The following MEGF11 variants were observed in gnomAD, a reference collection of about 807,000 sequenced individuals.
MEGF11 encodes the protein multiple EGF like domains 11, also known as multiple epidermal growth factor-like domains protein 11.
In MEGF11, 126 loss-of-function variants were observed where a neutral mutation model predicts 146.6. The observed-to-expected ratio is 0.86, with a 90% CI of 0.74 to 1.00. The LOEUF (loss-of-function observed/expected upper bound fraction) is 1.00, where lower values mean the gene tolerates loss of function less well. MEGF11 is among the 50% of genes least tolerant of loss of function. MEGF11 has a pLI of 0.00. For synonymous variants in MEGF11, 532 were observed against 583.4 expected (o/e 0.91, Z 1.27); for missense variants, 1,509 against 1,521.2 (o/e 0.99, Z 0.13).
chr15:65,950,265 G>C (rs1302323835), intron 10 of MEGF11, among the ~76,000 whole-genome samples: 1 of 152,124 alleles, frequency 6.6e-6, no homozygotes, highest in Non-Finnish European at 1.5e-5. Context: ...ATCCTACAAG[G>C]CTATGTTATT....
chr15:66,184,416 C>T (rs1465496956), intron 1 of MEGF11, among the ~76,000 whole-genome samples: 2 of 151,958 alleles, frequency 1.3e-5, no homozygotes, highest in East Asian at 3.9e-4. Flanking sequence ...CTGGGCCGCC[C>T]TAAGAATCCG....
At chr15:65,944,011 T>C (rs1332869074) in intron 10 of MEGF11, among the ~76,000 whole-genome samples, 1 of 152,152 alleles carries the variant, frequency 6.6e-6, no homozygotes, top group African/African-American at 2.4e-5. Flanking sequence ...CAGAGGCTAA[T>C]AAAGAAAACT....
At chr15:65,935,801 C>G (rs149349896) in intron 10 of MEGF11, among the ~76,000 whole-genome samples, 1 of 152,294 alleles carries the variant, frequency 6.6e-6, no homozygotes, top group East Asian at 1.9e-4. Context: ...GGTTCTAACA[C>G]CTCAACAAGC....
Position 66,133,424 on chromosome 15 carries a change from T to C in MEGF11, c.-8-5013A>G, listed in dbSNP as rs141172848. On this transcript the variant is annotated intron_variant, in intron 1 of 25. Transcript: ENST00000395614. ...CAAACGCCTCACATTTCTCCCGGCATGTGGGTGGAGAAAGAGCTTTCTATC... is the reference window on the plus strand; with the variant it reads ...CAAACGCCTCACATTTCTCCCGGCACGTGGGTGGAGAAAGAGCTTTCTATC... 5.8e-4 allele frequency among the ~76,000 whole-genome samples: 89 copies of C among 152,334 alleles called. 1 individual carries two copies. The highest frequency in any genetic ancestry group is 2.1e-3 in the African/African-American group (86 of 41,584).
intron 5 of MEGF11, among the ~76,000 whole-genome samples, chr15:66,048,158 C>A (rs537840814): frequency 1.2e-4 from 18 of 152,298 alleles, no homozygotes; most frequent in South Asian, 8.3e-4. Context: ...GTTGGCCAGG[C>A]TGCTCTTGAA....
chr15:66,130,070 G>A (rs572317682), intron 1 of MEGF11, among the ~76,000 whole-genome samples: 4 of 152,194 alleles, frequency 2.6e-5, no homozygotes, highest in African/African-American at 9.6e-5. Context: ...GAGACCCAAT[G>A]AGCACCTCAG....
chr15:65,955,621 G>A (rs1435802074), intron 10 of MEGF11, among the ~76,000 whole-genome samples: 2 of 146,640 alleles, frequency 1.4e-5, no homozygotes, highest in East Asian at 2.0e-4. Flanking sequence ...GCACATGCCT[G>A]TAATCCCAGC....
intron 5 of MEGF11, among the ~76,000 whole-genome samples, chr15:66,070,934 G>T (rs1198867753): frequency 1.3e-5 from 2 of 152,036 alleles, no homozygotes; most frequent in African/African-American, 4.8e-5. Flanking sequence ...GAAAAACATG[G>T]AATCGAGGAG....
At chr15:65,936,938 G>T (rs2079809532) in intron 10 of MEGF11, among the ~76,000 whole-genome samples, 1 of 152,280 alleles carries the variant, frequency 6.6e-6, no homozygotes, top group East Asian at 1.9e-4. Flanking sequence ...GGAGATCCTG[G>T]TCTATGCTTC....
In MEGF11 at chr15:65,957,836, G is replaced by A. The variant is rs1596905732; in HGVS notation, c.1113-115C>T. 10 of 926,082 alleles carry A rather than the reference G, an allele frequency of 1.1e-5. No homozygotes were observed. In the East Asian group the frequency reaches 2.5e-4, roughly 24 times the overall value. 57.4% of individuals were successfully genotyped at this position (926,082 alleles called of 1,614,324 possible). ...AGGGTAGCAGGATCAAAGGACCTCT[G>A]GGATTAAATTGCTCAATGCCTTTTC... On this transcript the variant is annotated intron_variant, in intron 9 of 25. Coordinates refer to ENST00000395614, the MANE Select transcript of MEGF11 (RefSeq NM_001385028.1).
chr15:65,929,821 C>A lies in MEGF11; in HGVS notation c.1471G>T (p.Glu491Ter). The change falls in exon 12 of 26, where the codon GAG (glutamate) becomes TAG (stop). Residue 491 changes from glutamate to a stop codon, truncating the protein, a stop_gained. Transcript: ENST00000395614. LOFTEE classifies it high-confidence loss of function. ...PSGTWGLNCN[E>*]SCTCANGAAC... ...GCCCCATTGGCACAGGTGCAGCTCT[C>A]GTTGCAGTTCAGGCCCCACGTCCCA... 6.3e-7 allele frequency: 1 copy of A among 1,586,380 alleles called. No individual in the cohort carries two copies. The highest frequency in any genetic ancestry group is 8.6e-7 in the Non-Finnish European group (1 of 1,166,512).
chr15:66,187,794 C>A (rs1206555598), intron 1 of MEGF11, among the ~76,000 whole-genome samples: 4 of 152,354 alleles, frequency 2.6e-5, no homozygotes, highest in Non-Finnish European at 5.9e-5. Context: ...AAGAGTCCCA[C>A]GTGCTTCCTG....
At chr15:65,983,872 C>T (rs991719669) in intron 5 of MEGF11, among the ~76,000 whole-genome samples, 1 of 152,172 alleles carries the variant, frequency 6.6e-6, no homozygotes, top group African/African-American at 2.4e-5. Context: ...TGGGCGTGTA[C>T]AAGGGTACAA....
At chr15:65,969,540 G>C (rs1029922734) in intron 8 of MEGF11, among the ~76,000 whole-genome samples, 1 of 152,170 alleles carries the variant, frequency 6.6e-6, no homozygotes, top group African/African-American at 2.4e-5. Context: ...AGGTAAATAA[G>C]CCCAAGGCTA....
chr15:66,070,806 G>C (rs1172224933), intron 5 of MEGF11, among the ~76,000 whole-genome samples: 3 of 152,182 alleles, frequency 2.0e-5, no homozygotes, highest in Non-Finnish European at 4.4e-5. Context: ...CAATGTCTGT[G>C]AACACCCAGC....
At chr15:66,111,403 C>G (rs1419653254) in intron 4 of MEGF11, among the ~76,000 whole-genome samples, 1 of 152,192 alleles carries the variant, frequency 6.6e-6, no homozygotes, top group Non-Finnish European at 1.5e-5. Context: ...AAAGTGCTCC[C>G]AAAATACAGT....
intron 5 of MEGF11, among the ~76,000 whole-genome samples, chr15:66,043,462 C>T (rs1041315909): frequency 1.3e-5 from 2 of 152,258 alleles, no homozygotes; most frequent in Admixed American, 6.5e-5. Context: ...TACCACACTG[C>T]GTGGCCCAGA....
chr15:66,040,512 C>T (rs890691354), intron 5 of MEGF11, among the ~76,000 whole-genome samples: 1 of 146,460 alleles, frequency 6.8e-6, no homozygotes, highest in South Asian at 2.3e-4. Flanking sequence ...TATTTCACAG[C>T]GATACGTTCT....
At chr15:66,178,371 T>C (rs1414002097) in intron 1 of MEGF11, among the ~76,000 whole-genome samples, 1 of 152,172 alleles carries the variant, frequency 6.6e-6, no homozygotes, top group Non-Finnish European at 1.5e-5. Flanking sequence ...GTTGTCCAGC[T>C]CCATCCCAGT....
Sources: allele counts gnomAD v4.1 joint callset (sites outside exome capture counted in the v4.1 genomes callset), GRCh38; gene constraint gnomAD v4.1.1; transcripts MANE v1.5; gene names NCBI Gene and HGNC (gene_info 2026-07-23, HGNC 2026-07-21).